The following NBEAL1 variants were observed in gnomAD, a reference collection of about 807,000 sequenced individuals.
NBEAL1 encodes the protein neurobeachin like 1.
NBEAL1 carries 273 observed loss-of-function variants against 351.3 expected under a neutral mutation model. That is an observed-to-expected ratio of 0.78 (90% CI 0.70 to 0.86). The LOEUF (loss-of-function observed/expected upper bound fraction) is 0.86. Among genes scored for constraint, NBEAL1 ranks in the 40% least tolerant of loss-of-function variants. The pLI is 0.00. For synonymous variants in NBEAL1, 1,050 were observed against 1,086.4 expected (o/e 0.97, Z 0.66); for missense variants, 2,961 against 3,201.3 (o/e 0.92, Z 1.81).
At chr2:203,189,473 A>G (rs2065003777) in intron 45 of NBEAL1, among the ~76,000 whole-genome samples, 1 of 151,996 alleles carries the variant, frequency 6.6e-6, no homozygotes, top group Non-Finnish European at 1.5e-5. Context: ...GCAACCTGGA[A>G]CTCCTGGGGT....
chr2:203,100,073 A>T (rs140390000), intron 12 of NBEAL1, among the ~76,000 whole-genome samples: 1 of 152,278 alleles, frequency 6.6e-6, no homozygotes, highest in Non-Finnish European at 1.5e-5. Context: ...AAAGGATATG[A>T]GGATATGATC....
At chr2:203,130,580 T>G in intron 25 of NBEAL1, 104 bp downstream of exon 25, 2 of 737,698 alleles carry the variant, frequency 2.7e-6, no homozygotes, top group Non-Finnish European at 3.8e-6. Flanking sequence ...TTTATATCTA[T>G]TTCTCTAAGA....
intron 49 of NBEAL1, among the ~76,000 whole-genome samples, chr2:203,200,192 A>G (rs529883297): frequency 6.6e-6 from 1 of 152,330 alleles, no homozygotes; most frequent in Admixed American, 6.5e-5. Flanking sequence ...AGCCTGGCCA[A>G]CATGGCAAAA....
chr2:203,198,130 G>A (rs1159743525), intron 48 of NBEAL1, among the ~76,000 whole-genome samples: 4 of 146,284 alleles, frequency 2.7e-5, no homozygotes, highest in South Asian at 2.2e-4. Context: ...CTTCCACCTC[G>A]GCCTCCTGAG....
chr2:203,188,765 A>G (rs112409151), intron 45 of NBEAL1, among the ~76,000 whole-genome samples, 176 bp downstream of exon 45: 2 of 152,222 alleles, frequency 1.3e-5, no homozygotes, highest in African/African-American at 4.8e-5. Context: ...AAGTGTATAT[A>G]TGCCAATCTA....
intron 2 of NBEAL1, among the ~76,000 whole-genome samples, chr2:203,025,761 C>A (rs1223202709): frequency 1.3e-5 from 2 of 152,124 alleles, no homozygotes; most frequent in Non-Finnish European, 1.5e-5. Flanking sequence ...CTCTGCAAAT[C>A]CAGTTGGGCA....
At chr2:203,017,776 C>T (rs1156296084) in intron 2 of NBEAL1, among the ~76,000 whole-genome samples, 4 of 151,910 alleles carry the variant, frequency 2.6e-5, no homozygotes, top group South Asian at 4.1e-4. Context: ...GCTTATTAAA[C>T]AGATAGTATA....
At chr2:203,154,361 A>C (rs2063743292) in intron 35 of NBEAL1, among the ~76,000 whole-genome samples, 1 of 152,204 alleles carries the variant, frequency 6.6e-6, no homozygotes, top group Admixed American at 6.5e-5. Flanking sequence ...ATATCTTTAA[A>C]GTTCTTTGAA....
chr2:203,199,542 A>AT (rs1491520132), intron 49 of NBEAL1, 95 bp downstream of exon 49: 25 of 623,782 alleles, frequency 4.0e-5, no homozygotes, highest in Middle Eastern at 4.5e-4. Flanking sequence ...TCTGAAAGAA[A>AT]TATTTTTTTT....
At chr2:203,206,832 G>A (rs2065590724) in intron 51 of NBEAL1, among the ~76,000 whole-genome samples, 1 of 150,724 alleles carries the variant, frequency 6.6e-6, no homozygotes, top group Non-Finnish European at 1.5e-5. Context: ...GCCTCTGCCC[G>A]GCCGCCACCC....
chr2:203,083,521 G>A lies in NBEAL1; in HGVS notation c.987G>A (p.Met329Ile). 3.9e-6 allele frequency: 6 copies of A among 1,531,964 alleles called. No homozygotes were observed. Among genetic ancestry groups the A allele is most frequent in the Non-Finnish European group, 5.3e-6 (6 of 1,136,606 alleles). 94.9% of individuals were successfully genotyped at this position (1,531,964 alleles called of 1,614,324 possible). ...ENRFIALQIK[M>I]LNTITAMLDC... is the part of the protein sequence containing the mutation. ...GATTTATTGCTCTACAGATCAAAAT[G>A]CTGAGTAAGTATTACATAATGACAA... The change falls in exon 9 of 56, where the codon ATG becomes ATA. Residue 329 changes from methionine to isoleucine, a missense_variant. Met to Ile is a conservative substitution (Grantham distance 10). Coordinates refer to ENST00000683969, the MANE Select transcript of NBEAL1 (RefSeq NM_001378026.1).
In NBEAL1 at chr2:203,217,990, AC is replaced by A. The variant is rs910728118; in HGVS notation, c.*637del. On this transcript the variant is annotated 3_prime_UTR_variant, in exon 56 of 56. Transcript: ENST00000683969. ...TAAAAATTGAGTAGAAAAAAGTGGAACTAGAGATACATTTTACAGATGTATT... is the reference window on the plus strand; with the variant it reads ...TAAAAATTGAGTAGAAAAAAGTGGAATAGAGATACATTTTACAGATGTATT... 2 of 852,164 alleles carry A rather than the reference AC, an allele frequency of 2.3e-6. No individual in the cohort carries two copies. Among genetic ancestry groups the A allele is most frequent in the African/African-American group, 3.7e-5 (2 of 54,466 alleles). The allele number at this position is 852,164 out of a possible 1,614,324, so 52.8% of individuals were successfully genotyped here. A position where few individuals can be genotyped will look rare whatever the true frequency, so the allele number is the denominator to read the frequency against.
intron 3 of NBEAL1, among the ~76,000 whole-genome samples, chr2:203,046,314 C>T (rs1390618509): frequency 5.9e-5 from 9 of 152,048 alleles, no homozygotes; most frequent in Non-Finnish European, 8.8e-5. Flanking sequence ...CTCCCGGGTT[C>T]ACGCCATTCT....
In NBEAL1 at chr2:203,118,653, G is replaced by T. The variant is rs189107604; in HGVS notation, c.2592+2583G>T. 2.9e-3 allele frequency among the ~76,000 whole-genome samples: 435 copies of T among 150,816 alleles called. 1 individual carries two copies. Among genetic ancestry groups the T allele is most frequent in the Non-Finnish European group, 4.8e-3 (323 of 67,822 alleles). ...CTCACCCAGGCTGGAGTGCAGTGGC[G>T]CAATCTTGGCTCACTGCAGCCTCTG... On this transcript the variant is annotated intron_variant, in intron 18 of 55. Coordinates refer to ENST00000683969, the MANE Select transcript of NBEAL1 (RefSeq NM_001378026.1).
At chr2:203,135,613 A>G in intron 27 of NBEAL1, 64 bp from the exon 28 acceptor site, 1 of 954,188 alleles carries the variant, frequency 1.0e-6, no homozygotes, top group South Asian at 2.1e-5. Flanking sequence ...AACTGAAAAT[A>G]TTATTTTTGA....
intron 8 of NBEAL1, among the ~76,000 whole-genome samples, chr2:203,079,229 C>A (rs1355427163): frequency 1.3e-5 from 2 of 152,114 alleles, no homozygotes; most frequent in Non-Finnish European, 2.9e-5. Flanking sequence ...CAGGTGCACA[C>A]CACCACACTC....
intron 4 of NBEAL1, among the ~76,000 whole-genome samples, chr2:203,054,922 G>C (rs2061381907): frequency 6.6e-6 from 1 of 152,064 alleles, no homozygotes; most frequent in African/African-American, 2.4e-5. Flanking sequence ...GTCATTTTCA[G>C]GCTCTGAATT....
rs376885088 is a variant in NBEAL1 at position 203,180,366 on chromosome 2, T to C, written c.6465-16T>C. The C allele has an allele frequency of 1.1e-5, 17 of 1,589,624 alleles. No homozygotes were observed. In the Admixed American group the frequency reaches 3.1e-4, roughly 29 times the overall value. On this transcript the variant is annotated splice_polypyrimidine_tract_variant and intron_variant, in intron 42 of 55. Transcript: ENST00000683969. ...TTTCATTCAATATTTACTTCTCTTT[T>C]AATTTCTACATGCAGGTTTGACTGT...
Position 203,225,110 on chromosome 2 carries a change from G to A in NBEAL1, c.*7756G>A, listed in dbSNP as rs1415396577. Among the ~76,000 whole-genome samples, 3 of 152,194 alleles carry A rather than the reference G, an allele frequency of 2.0e-5. No individual in the cohort carries two copies. The East Asian group carries it at 5.8e-4, about 29-fold the overall frequency. On this transcript the variant is annotated 3_prime_UTR_variant, in exon 56 of 56. Transcript: ENST00000683969. ...TTGTATTCTAATACTTTTTAAGAAT[G>A]TCCATTTATTTTGTACATAATAAAT...
Sources: gnomAD v4.1 joint callset for allele counts (sites outside exome capture counted in the v4.1 genomes callset) on GRCh38, gnomAD v4.1.1 for gene constraint, MANE v1.5 for transcripts, NCBI Gene and HGNC (gene_info 2026-07-23, HGNC 2026-07-21) for gene names.